Variants in GRIK1 observed in about 807,000 individuals in gnomAD.
The protein encoded by GRIK1 is glutamate ionotropic receptor kainate type subunit 1.
In GRIK1, 69 loss-of-function variants were observed where a neutral mutation model predicts 105.7. The observed-to-expected ratio is 0.65, with a 90% CI of 0.54 to 0.80. The LOEUF (loss-of-function observed/expected upper bound fraction) is 0.80. Ranked by LOEUF, GRIK1 falls within the 30% of genes least tolerant of loss-of-function variation. The pLI is 0.00. For synonymous variants in GRIK1, 438 were observed against 431.3 expected, an observed-to-expected ratio of 1.02 and a Z score of -0.19; for missense variants, 1,109 against 1,167.3, an observed-to-expected ratio of 0.95 and a Z score of 0.73.
chr21:29,847,101 C>A (rs1370396237), intron 1 of GRIK1, among the ~76,000 whole-genome samples: 3 of 152,120 alleles, frequency 2.0e-5, no homozygotes, highest in Non-Finnish European at 4.4e-5. Context: ...ATTTCTCTGT[C>A]CTTTAATGAA....
chr21:29,732,808 A>G (rs1326429347), intron 1 of GRIK1, among the ~76,000 whole-genome samples: 3 of 152,160 alleles, frequency 2.0e-5, no homozygotes, highest in Non-Finnish European at 2.9e-5. Flanking sequence ...CGTGAGATTA[A>G]TATATTCCTT....
In GRIK1 at chr21:29,541,360, G is replaced by A. The variant is rs8127946; in HGVS notation, c.2608-3476C>T. Among the ~76,000 whole-genome samples, 1,066 of 152,198 alleles carry A rather than the reference G, an allele frequency of 7.0e-3. 15 individuals carry two copies. The highest frequency in any genetic ancestry group is 0.024 in the African/African-American group (1,015 of 41,502). The stretch of plus-strand genomic sequence containing the variant: ...CTTCCTAGTAGCCAGGTTACACCGG[G>A]CAAGGTATTTATTTTCTCTTGGACT... On this transcript the variant is annotated intron_variant, in intron 16 of 17. Transcript: ENST00000327783.
chr21:29,939,876 G>A lies in GRIK1; in HGVS notation c.-376C>T. 2 of 182,786 alleles carry A rather than the reference G, an allele frequency of 1.1e-5. No individual in the cohort carries two copies. The highest frequency in any genetic ancestry group is 1.5e-4 in the South Asian group (1 of 6,546). The allele number at this position is 182,786 out of a possible 1,614,324, so 11.3% of individuals were successfully genotyped here. ...TCCTTTGGTCAGATGCAAAAGTCGG[G>A]GGATAGGCACAGACAGAGGAGGGAA... is the stretch of plus-strand genomic sequence containing the variant. On this transcript the variant is annotated 5_prime_UTR_variant, in exon 1 of 18. Transcript: ENST00000327783.
chr21:29,714,538 G>A (rs2064134329), intron 1 of GRIK1, among the ~76,000 whole-genome samples: 2 of 152,114 alleles, frequency 1.3e-5, no homozygotes, highest in South Asian at 4.1e-4. Context: ...AACCTGACCA[G>A]TATGAACATC....
intron 9 of GRIK1, 56 bp downstream of exon 9, chr21:29,596,470 A>G (rs1356592641): frequency 2.5e-6 from 3 of 1,185,046 alleles, no homozygotes; most frequent in South Asian, 1.2e-5. Context: ...AGGCCTTTCC[A>G]ATGACATTCC....
At chr21:29,818,929 A>C (rs1221429828) in intron 1 of GRIK1, among the ~76,000 whole-genome samples, 1 of 152,042 alleles carries the variant, frequency 6.6e-6, no homozygotes, top group African/African-American at 2.4e-5. Context: ...CTGGCATAGC[A>C]GGGATGTCAG....
intron 3 of GRIK1, among the ~76,000 whole-genome samples, chr21:29,676,273 G>T (rs1235448326): frequency 6.6e-6 from 1 of 152,180 alleles, no homozygotes; most frequent in Non-Finnish European, 1.5e-5. Context: ...CAGATTTAAA[G>T]ATTAGGGATG....
At chr21:29,800,213 C>T (rs2066665970) in intron 1 of GRIK1, among the ~76,000 whole-genome samples, 1 of 152,166 alleles carries the variant, frequency 6.6e-6, no homozygotes, top group Non-Finnish European at 1.5e-5. Flanking sequence ...AAAGCACTGG[C>T]CCTTTAGCTG....
At chr21:29,882,906 C>A (rs902977962) in intron 1 of GRIK1, among the ~76,000 whole-genome samples, 11 of 152,010 alleles carry the variant, frequency 7.2e-5, no homozygotes, top group African/African-American at 2.7e-4. Context: ...ATACTAATAA[C>A]CAGGGGCTGC....
chr21:29,709,336 C>T (rs1460796927), intron 1 of GRIK1, among the ~76,000 whole-genome samples: 4 of 147,500 alleles, frequency 2.7e-5, no homozygotes, highest in Admixed American at 6.8e-5. Context: ...ATTGGAGTGC[C>T]GTGGTGCAAT....
intron 3 of GRIK1, among the ~76,000 whole-genome samples, chr21:29,685,267 A>G (rs972581695): frequency 6.6e-6 from 1 of 152,226 alleles, no homozygotes; most frequent in Admixed American, 6.5e-5. Flanking sequence ...GTATGCAAAT[A>G]TGTGCTGTCT....
At chr21:29,731,749 C>T (rs534273418) in intron 1 of GRIK1, among the ~76,000 whole-genome samples, 1 of 152,276 alleles carries the variant, frequency 6.6e-6, no homozygotes, top group East Asian at 1.9e-4. Context: ...TGCTCTACCG[C>T]TAGAGGCTTC....
chr21:29,644,398 T>C (rs1230545954), intron 6 of GRIK1, among the ~76,000 whole-genome samples: 1 of 152,198 alleles, frequency 6.6e-6, no homozygotes. Flanking sequence ...AGAAAAGTTG[T>C]TTAAACATGT....
intron 1 of GRIK1, among the ~76,000 whole-genome samples, chr21:29,759,267 G>A (rs1397623679): frequency 2.0e-5 from 3 of 151,646 alleles, no homozygotes; most frequent in East Asian, 1.9e-4. Flanking sequence ...ACAGGCACCC[G>A]CCACCATGCC....
intron 1 of GRIK1, among the ~76,000 whole-genome samples, chr21:29,836,477 A>G (rs1014162142): frequency 1.2e-4 from 19 of 152,178 alleles, no homozygotes; most frequent in African/African-American, 4.6e-4. Flanking sequence ...CCCTATGTAC[A>G]GTGGAACAAT....
intron 1 of GRIK1, among the ~76,000 whole-genome samples, chr21:29,741,437 G>A (rs2064924790): frequency 6.6e-6 from 1 of 151,902 alleles, no homozygotes; most frequent in Non-Finnish European, 1.5e-5. Context: ...GATGGTGGGG[G>A]GCATTTCTGA....
intron 1 of GRIK1, among the ~76,000 whole-genome samples, chr21:29,706,871 A>T (rs961423584): frequency 1.3e-5 from 2 of 148,422 alleles, no homozygotes; most frequent in Admixed American, 1.3e-4. Flanking sequence ...TATTCAAGGC[A>T]TTTTTTTTTT....
rs768409313 is a variant in GRIK1, at chr21:29,537,809, C to A, written c.2683G>T (p.Gly895Cys). 7 of 1,502,468 alleles carry A rather than the reference C, an allele frequency of 4.7e-6. No individual in the cohort carries two copies. Among genetic ancestry groups the A allele is most frequent in the Non-Finnish European group, 6.5e-6 (7 of 1,079,966 alleles). 93.1% of individuals were successfully genotyped at this position (1,502,468 alleles called of 1,614,324 possible). ...RFHGRKKQSL[G>C]VEKCLSFNAI... ...GAAAATGAACAAACCTTCTCTACAC[C>A]AAGGCTTTGTTTTTTTCTCCCATGA... The change falls in exon 17 of 18, where the codon GGT becomes TGT. Residue 895 changes from glycine to cysteine, a missense_variant. Gly to Cys is a radical substitution (Grantham distance 159, BLOSUM62 -3). Around this residue, in one of 5 missense-constraint regions of GRIK1, gnomAD observed 161 missense variants for 143.4 expected, o/e 1.12. Transcript: ENST00000327783.
In GRIK1 at chr21:29,919,883, T is replaced by A. The variant is rs149392580; in HGVS notation, c.118+19500A>T. 7.0e-3 allele frequency among the ~76,000 whole-genome samples: 1,070 copies of A among 152,270 alleles called. 11 individuals are homozygous for A. Among genetic ancestry groups the A allele is most frequent in the African/African-American group, 0.024 (1,017 of 41,550 alleles). On this transcript the variant is annotated intron_variant, in intron 1 of 17. Coordinates refer to ENST00000327783, the MANE Select transcript of GRIK1 (RefSeq NM_001330994.2). ...ATATTAAACAGTGAGGACCTCTTTGTTCCTCCATTTCTTTTATTTGTAAAT... is the reference window on the plus strand; with the variant it reads ...ATATTAAACAGTGAGGACCTCTTTGATCCTCCATTTCTTTTATTTGTAAAT...
Sources: allele counts gnomAD v4.1 joint callset (sites outside exome capture counted in the v4.1 genomes callset), GRCh38; gene constraint gnomAD v4.1.1; regional missense constraint gnomAD v4.1.1; transcripts MANE v1.5; gene names NCBI Gene and HGNC (gene_info 2026-07-23, HGNC 2026-07-21).